The following SSPN variants were observed in gnomAD, a reference collection of about 807,000 sequenced individuals.
SSPN encodes K-ras oncogene-associated protein.
In SSPN, 15 loss-of-function variants were observed where a neutral mutation model predicts 19.1. That is an observed-to-expected ratio of 0.78 (90% CI 0.52 to 1.21). The LOEUF is 1.21. Ranked by LOEUF, SSPN falls within the 50% of genes most tolerant of loss-of-function variation. The pLI, the probability that SSPN is intolerant of heterozygous loss-of-function variation, is 0.00. For synonymous variants in SSPN, 147 were observed against 140.3 expected, an observed-to-expected ratio of 1.05 and a Z score of -0.34; for missense variants, 291 against 314.0, an observed-to-expected ratio of 0.93 and a Z score of 0.55.
chr12:26,159,769 A>T (rs1427817010), intron 1 of SSPN, among the ~76,000 whole-genome samples: 2 of 152,232 alleles, frequency 1.3e-5, no homozygotes, highest in East Asian at 3.8e-4. Context: ...CTGAATGAAA[A>T]AAAATAAAAA....
chr12:26,146,835 G>GAA (rs1944494460), intron 1 of SSPN, among the ~76,000 whole-genome samples: 1 of 55,996 alleles, frequency 1.8e-5, no homozygotes, highest in East Asian at 7.0e-4. Context: ...AAAAAAGAAA[G>GAA]AAATCATTAT....
intron 1 of SSPN, among the ~76,000 whole-genome samples, chr12:26,170,275 G>A (rs905817266): frequency 2.0e-5 from 3 of 152,124 alleles, no homozygotes; most frequent in Non-Finnish European, 4.4e-5. Flanking sequence ...GTTAAAATTA[G>A]GAATTAAATG....
intron 1 of SSPN, chr12:26,122,196 G>A: frequency 7.1e-7 from 1 of 1,408,472 alleles, no homozygotes; most frequent in Non-Finnish European, 9.2e-7. Flanking sequence ...CGCCCCAAGG[G>A]GCGCCACCTC....
At chr12:26,180,365 G>A (rs748746580) in intron 1 of SSPN, 25 of 152,182 alleles carry the variant, frequency 1.6e-4, no homozygotes, top group Non-Finnish European at 3.2e-4. Flanking sequence ...TTCTTGTCAC[G>A]ATGAACAGAG....
At chr12:26,192,270 TC>T (rs1204186820), upstream of SSPN, among the ~76,000 whole-genome samples, 1 of 152,216 alleles carries the variant, frequency 6.6e-6, no homozygotes, top group Admixed American at 6.5e-5. Context: ...GCCAAGAGTA[TC>T]CAAAAACATT....
At chr12:26,212,535 C>T (rs542691229) in intron 1 of SSPN, among the ~76,000 whole-genome samples, 1 of 152,116 alleles carries the variant, frequency 6.6e-6, no homozygotes, top group East Asian at 1.9e-4. Context: ...GTGGAAATGA[C>T]CAGATGAGGC....
At chr12:26,221,575 A>G (rs1261048917) in intron 1 of SSPN, among the ~76,000 whole-genome samples, 1 of 149,884 alleles carries the variant, frequency 6.7e-6, no homozygotes, top group Non-Finnish European at 1.5e-5. Context: ...TCTGGAAGCC[A>G]GGGTAAATGA....
chr12:26,152,408 A>G (rs1944531116), intron 1 of SSPN, among the ~76,000 whole-genome samples: 1 of 152,206 alleles, frequency 6.6e-6, no homozygotes. Context: ...TTATAAATTT[A>G]TAACATTTAA....
intron 1 of SSPN, among the ~76,000 whole-genome samples, chr12:26,183,293 T>C (rs1469207749): frequency 6.6e-6 from 1 of 152,202 alleles, no homozygotes. Context: ...TAAAACTTTC[T>C]TGTAGAAATG....
At chr12:26,196,676 C>T (rs1319218389) in intron 1 of SSPN, among the ~76,000 whole-genome samples, 4 of 152,200 alleles carry the variant, frequency 2.6e-5, no homozygotes, top group Non-Finnish European at 4.4e-5. Flanking sequence ...AAAACGGGTG[C>T]CACTTACTGA....
chr12:26,212,880 T>C lies in SSPN; in HGVS notation c.280-11413T>C, dbSNP rs538003169. Among the ~76,000 whole-genome samples, 323 of 152,060 alleles carry C rather than the reference T, an allele frequency of 2.1e-3. 1 individual carries two copies. The highest frequency in any genetic ancestry group is 7.6e-3 in the African/African-American group (314 of 41,476). On this transcript the variant is annotated intron_variant, in intron 1 of 2. Transcript: ENST00000242729. ...AAAAACTTTTTTTTCAAGGTTATAA[T>C]TAGTGCTCTGAGTTTTAACGCTGGT... is the stretch of plus-strand genomic sequence containing the variant.
intron 1 of SSPN, among the ~76,000 whole-genome samples, chr12:26,198,675 T>TA (rs1240932782): frequency 6.6e-6 from 1 of 152,184 alleles, no homozygotes; most frequent in Non-Finnish European, 1.5e-5. Flanking sequence ...CTGAAGAAAA[T>TA]ATCAGTTTTG....
At chr12:26,219,897 C>T (rs890670140) in intron 1 of SSPN, among the ~76,000 whole-genome samples, 1 of 152,146 alleles carries the variant, frequency 6.6e-6, no homozygotes, top group Non-Finnish European at 1.5e-5. Context: ...CCTTACATAA[C>T]TCCCCTTTTC....
chr12:26,209,700 G>A (rs1433349151), intron 1 of SSPN, among the ~76,000 whole-genome samples: 2 of 151,418 alleles, frequency 1.3e-5, no homozygotes, highest in African/African-American at 4.9e-5. Context: ...TATGTTTTCA[G>A]TTCCTTCCTT....
At position 26,225,457 on chromosome 12, in the gene SSPN, T is replaced by A. The variant is rs144865201; in HGVS notation, c.366+1078T>A. On this transcript the variant is annotated intron_variant, in intron 2 of 2. Transcript: ENST00000242729. ...CTACAGAAAAAATAAAAGCTCTTAATGAGCATAGAAAATACAATTATCTAT... is the reference window on the plus strand; with the variant it reads ...CTACAGAAAAAATAAAAGCTCTTAAAGAGCATAGAAAATACAATTATCTAT... 8.1e-4 allele frequency among the ~76,000 whole-genome samples: 123 copies of A among 152,292 alleles called. 1 individual carries two copies. Among genetic ancestry groups the A allele is most frequent in the African/African-American group, 2.9e-3 (119 of 41,594 alleles).
At chr12:26,124,385 C>A (rs1591839810) in intron 1 of SSPN, 2 of 1,016,326 alleles carry the variant, frequency 2.0e-6, no homozygotes, top group East Asian at 5.0e-5. Context: ...GAGTACCCAG[C>A]AAGCCACTTA....
chr12:26,164,468 T>C (rs540154656), intron 1 of SSPN, among the ~76,000 whole-genome samples: 95 of 152,338 alleles, frequency 6.2e-4, no homozygotes, highest in African/African-American at 2.1e-3. Flanking sequence ...TGAGGCCATG[T>C]GTTCTAGGCT....
chr12:26,205,556 A>G (rs552606360), intron 1 of SSPN, among the ~76,000 whole-genome samples: 2 of 152,318 alleles, frequency 1.3e-5, no homozygotes, highest in Admixed American at 1.3e-4. Context: ...CAGGAAAGCT[A>G]TGAAGGAGGC....
At chr12:26,195,409 C>T, upstream of SSPN, 4 of 472,898 alleles carry the variant, frequency 8.5e-6, no homozygotes, top group Non-Finnish European at 1.3e-5. Flanking sequence ...GCGCCGGTTT[C>T]CGCGGGCGAC....
Sources: allele counts gnomAD v4.1 joint callset (sites outside exome capture counted in the v4.1 genomes callset), GRCh38; gene constraint gnomAD v4.1.1; transcripts MANE v1.5; gene names NCBI Gene and HGNC (gene_info 2026-07-23, HGNC 2026-07-21).